The following KLF12 variants were observed in gnomAD, a reference collection of about 807,000 sequenced individuals.
KLF12 encodes the protein Krueppel-like factor 12.
A neutral mutation model predicts 37.8 loss-of-function variants in KLF12; 9 were observed. The observed-to-expected ratio is 0.24, with a 90% CI of 0.14 to 0.42. The LOEUF is 0.42. KLF12 is among the 10% of genes least tolerant of loss of function. The pLI is 1.00. For missense variants in KLF12, 411 were observed against 516.0 expected (o/e 0.80, Z 1.97); for synonymous variants, 208 against 202.1 (o/e 1.03, Z -0.25).
chr13:74,020,582 A>T (rs1892816637), intron 1 of KLF12, among the ~76,000 whole-genome samples: 1 of 152,122 alleles, frequency 6.6e-6, no homozygotes, highest in Non-Finnish European at 1.5e-5. Context: ...AATTGTTTAG[A>T]CTTTTCCATA....
At chr13:73,801,137 A>C (rs915966642) in intron 5 of KLF12, 2 of 152,132 alleles carry the variant, frequency 1.3e-5, no homozygotes, top group Non-Finnish European at 2.9e-5. Context: ...TTTTCTATAC[A>C]GCAGCAGGCT....
chr13:73,839,120 T>C (rs2325582), intron 4 of KLF12, among the ~76,000 whole-genome samples: 30,535 of 150,940 alleles, frequency 0.2, 3,775 homozygotes, highest in East Asian at 0.49. Context: ...TAAGATGGGA[T>C]TTGGCTCTGT....
chr13:74,186,821 C>G, the KLF12 span, among the ~76,000 whole-genome samples: 1 of 152,128 alleles, frequency 6.6e-6, no homozygotes, highest in African/African-American at 2.4e-5. Context: ...ATACTTTCCC[C>G]TTTTACAGAT....
At position 73,691,024 on chromosome 13, in the gene KLF12, C is replaced by A. The variant is rs2137521753; in HGVS notation, c.*4466G>T. 1 of 152,720 alleles carries A rather than the reference C, an allele frequency of 6.5e-6. No individual in the cohort carries two copies. The allele number at this position is 152,720 out of a possible 1,614,324, so 9.5% of individuals were successfully genotyped here. ...AATATAGCAATTTTTATGTACATTTCTTAACTATAAAATGCAGGCAGAGTC... is the reference window on the plus strand; with the variant it reads ...AATATAGCAATTTTTATGTACATTTATTAACTATAAAATGCAGGCAGAGTC... On this transcript the variant is annotated 3_prime_UTR_variant, in exon 8 of 8. Transcript: ENST00000377669.
At chr13:74,105,904 T>C (rs367785159) in intron 1 of KLF12, among the ~76,000 whole-genome samples, 3 of 152,202 alleles carry the variant, frequency 2.0e-5, no homozygotes, top group African/African-American at 7.2e-5. Flanking sequence ...GACTTCAGCA[T>C]GGCCACTGAT....
rs1350727729 is a variant in KLF12, at chr13:73,689,412, T to C, written c.*6078A>G. 1 of 152,208 alleles carries C rather than the reference T, an allele frequency of 6.6e-6. No individual in the cohort carries two copies. The highest frequency in any genetic ancestry group is 1.5e-5 in the Non-Finnish European group (1 of 68,048). 9.4% of individuals were successfully genotyped at this position (152,208 alleles called of 1,614,324 possible). ...TGTGTGACTCTCCATGAGTATAATT[T>C]TACTGATAGCCTCAGTAGCTTGTTT... is the stretch of plus-strand genomic sequence containing the variant. On this transcript the variant is annotated 3_prime_UTR_variant, in exon 8 of 8. Coordinates refer to ENST00000377669, the MANE Select transcript of KLF12 (RefSeq NM_007249.5).
chr13:73,915,084 T>C (rs1455449928), intron 3 of KLF12, among the ~76,000 whole-genome samples: 1 of 152,106 alleles, frequency 6.6e-6, no homozygotes, highest in Non-Finnish European at 1.5e-5. Context: ...AATCCATTCT[T>C]AGCCTCTCCC....
At chr13:74,032,687 T>C (rs534413636) in intron 1 of KLF12, among the ~76,000 whole-genome samples, 1 of 152,284 alleles carries the variant, frequency 6.6e-6, no homozygotes, top group East Asian at 1.9e-4. Context: ...AACTTTGTAA[T>C]TTACCACCTG....
At chr13:73,916,683 T>C (rs990350763) in intron 3 of KLF12, among the ~76,000 whole-genome samples, 4 of 152,210 alleles carry the variant, frequency 2.6e-5, no homozygotes, top group Non-Finnish European at 5.9e-5. Context: ...CCAGAGTCTG[T>C]AAGTTACTTT....
At chr13:73,948,464 C>G (rs1015232684) in intron 2 of KLF12, among the ~76,000 whole-genome samples, 3 of 152,192 alleles carry the variant, frequency 2.0e-5, no homozygotes, top group Admixed American at 1.3e-4. Flanking sequence ...AGTGATCCAT[C>G]TGCCTTGGCC....
chr13:74,163,554 AAGAT>A, the KLF12 span, among the ~76,000 whole-genome samples: 1 of 152,116 alleles, frequency 6.6e-6, no homozygotes, highest in Non-Finnish European at 1.5e-5. Context: ...AGAGAGTAGA[AAGAT>A]AGTTAACAGA....
chr13:74,215,230 TA>T, the KLF12 span, among the ~76,000 whole-genome samples: 29 of 152,048 alleles, frequency 1.9e-4, 1 homozygote, highest in Non-Finnish European at 1.0e-4. Flanking sequence ...AAATTTTGTA[TA>T]TTTTTATCTT....
intron 3 of KLF12, among the ~76,000 whole-genome samples, chr13:73,858,791 C>T (rs944614770): frequency 2.0e-5 from 3 of 152,138 alleles, no homozygotes; most frequent in African/African-American, 7.2e-5. Context: ...GGGAAAGTTT[C>T]AACCCTATAT....
chr13:74,101,427 T>C (rs2138871145), intron 1 of KLF12, among the ~76,000 whole-genome samples: 1 of 152,224 alleles, frequency 6.6e-6, no homozygotes, highest in East Asian at 1.9e-4. Context: ...AAGTTTAAAC[T>C]TCCCCACATA....
At chr13:74,056,562 G>A (rs1255035950) in intron 1 of KLF12, among the ~76,000 whole-genome samples, 2 of 152,170 alleles carry the variant, frequency 1.3e-5, no homozygotes, top group Non-Finnish European at 2.9e-5. Context: ...GCACAGAGGG[G>A]AGAAGTAAAA....
chr13:73,761,689 CAT>C (rs1272146118), intron 6 of KLF12, among the ~76,000 whole-genome samples: 2 of 152,156 alleles, frequency 1.3e-5, no homozygotes, highest in African/African-American at 2.4e-5. Flanking sequence ...TGTAAATACA[CAT>C]GTTAATAAAC....
intron 3 of KLF12, among the ~76,000 whole-genome samples, chr13:73,907,863 A>C (rs1157521320): frequency 6.6e-6 from 1 of 152,096 alleles, no homozygotes; most frequent in East Asian, 1.9e-4. Context: ...CCTTCTAGCA[A>C]ACACCAACCT....
chr13:74,255,565 C>T, the KLF12 span, among the ~76,000 whole-genome samples: 1 of 152,048 alleles, frequency 6.6e-6, no homozygotes, highest in Admixed American at 6.6e-5. Context: ...AGTTGTTTTA[C>T]CAAATTATTT....
At chr13:74,189,404 C>T in the KLF12 span, among the ~76,000 whole-genome samples, 3 of 152,120 alleles carry the variant, frequency 2.0e-5, no homozygotes, top group Non-Finnish European at 4.4e-5. Flanking sequence ...GCAGCGAGGC[C>T]ACAGGGATGC....
Sources: allele counts gnomAD v4.1 joint callset (sites outside exome capture counted in the v4.1 genomes callset), GRCh38; gene constraint gnomAD v4.1.1; transcripts MANE v1.5; gene names NCBI Gene and HGNC (gene_info 2026-07-23, HGNC 2026-07-21).